The following SIK3 variants were observed in gnomAD, a reference collection of about 807,000 sequenced individuals.
SIK3 encodes the protein serine/threonine-protein kinase SIK3.
A neutral mutation model predicts 144.2 loss-of-function variants in SIK3; 28 were observed. That is an observed-to-expected ratio of 0.19 (90% CI 0.14 to 0.27). The LOEUF (loss-of-function observed/expected upper bound fraction) is 0.27, where lower values mean the gene tolerates loss of function less well. SIK3 is among the 10% of genes least tolerant of loss of function. The pLI, the probability that SIK3 is intolerant of heterozygous loss-of-function variation, is 1.00. For missense variants in SIK3, 1,319 were observed against 1,776.0 expected (o/e 0.74, Z 4.62); for synonymous variants, 686 against 676.3 (o/e 1.01, Z -0.22).
At chr11:117,086,770 G>A (rs1291629720) in intron 1 of SIK3, among the ~76,000 whole-genome samples, 2 of 151,824 alleles carry the variant, frequency 1.3e-5, no homozygotes, top group Non-Finnish European at 2.9e-5. Context: ...GTCGAGGCAG[G>A]TGGATCACAA....
intron 4 of SIK3, among the ~76,000 whole-genome samples, chr11:116,910,021 T>A (rs1261045790): frequency 6.6e-6 from 1 of 152,190 alleles, no homozygotes; most frequent in Non-Finnish European, 1.5e-5. Context: ...ATTTTAGTGA[T>A]AGGTATAATC....
intron 1 of SIK3, among the ~76,000 whole-genome samples, chr11:117,009,228 G>A (rs540645198): frequency 2.3e-4 from 28 of 119,732 alleles, no homozygotes; most frequent in African/African-American, 1.0e-3. Context: ...GTGAGACACT[G>A]TCTCAAAAAA....
At chr11:116,895,135 T>C (rs1266388615) in intron 6 of SIK3, among the ~76,000 whole-genome samples, 1 of 152,156 alleles carries the variant, frequency 6.6e-6, no homozygotes, top group Non-Finnish European at 1.5e-5. Context: ...CTCTTACCTC[T>C]CTGACCTCAT....
rs764788076 is a variant in SIK3, at chr11:116,896,247, C to T, written c.865+6G>A. 5.6e-6 allele frequency: 9 copies of T among 1,613,352 alleles called. No homozygotes were observed. The highest frequency in any genetic ancestry group is 1.7e-4 in the Middle Eastern group (1 of 6,056). ...ATTCATAGCTGTGTGCTAGCGACTC[C>T]CTTACCTGTGGACATAAAAAATGGG... On this transcript the variant is annotated splice_donor_region_variant and intron_variant, in intron 6 of 24. Coordinates refer to ENST00000445177, the MANE Select transcript of SIK3 (RefSeq NM_001366686.3).
chr11:116,852,505 AG>A (rs1423216752), intron 21 of SIK3, among the ~76,000 whole-genome samples: 1 of 152,222 alleles, frequency 6.6e-6, no homozygotes, highest in East Asian at 1.9e-4. Context: ...CTGCTTCCTG[AG>A]GAGCAGGAGC....
chr11:116,972,912 C>A (rs1247207247), intron 1 of SIK3, among the ~76,000 whole-genome samples: 1 of 152,084 alleles, frequency 6.6e-6, no homozygotes, highest in African/African-American at 2.4e-5. Context: ...GGCCATGTTA[C>A]GGAAGCCCTC....
At chr11:117,022,005 T>C (rs1170321125) in intron 1 of SIK3, among the ~76,000 whole-genome samples, 2 of 115,154 alleles carry the variant, frequency 1.7e-5, no homozygotes, top group Non-Finnish European at 3.8e-5. Context: ...AAATAATCCA[T>C]AAATTAGTTA....
At position 117,098,187 on chromosome 11, in the gene SIK3, A is replaced by G; in HGVS notation, c.229T>C (p.Phe77Leu). 2 of 1,519,950 alleles carry G rather than the reference A, an allele frequency of 1.3e-6. No individual in the cohort carries two copies. The highest frequency in any genetic ancestry group is 1.9e-5 in the Admixed American group (1 of 54,020). 94.2% of individuals were successfully genotyped at this position (1,519,950 alleles called of 1,614,324 possible). A position where few individuals can be genotyped will look rare whatever the true frequency, so the allele number is the denominator to read the frequency against. ...EIDRTIGKGN[F>L]AVVKRATHLV... Reference sequence around the variant, plus strand: ...TGCGTGGCCCGCTTGACCACCGCGAAGTTGCCCTTGCCGATGGTGCGGTCG... The same window carrying G: ...TGCGTGGCCCGCTTGACCACCGCGAGGTTGCCCTTGCCGATGGTGCGGTCG... Residue 77 changes from phenylalanine (F) to leucine (L), a missense_variant, in exon 1 of 25, where the codon TTC becomes CTC. This residue lies in a region of SIK3 where 114 missense variants were observed against 116.2 expected (regional missense o/e 0.98). Transcript: ENST00000445177.
Position 116,849,424 on chromosome 11 carries a change from T to A in SIK3, c.3656-141A>T. The A allele has an allele frequency of 1.9e-6, 2 of 1,067,190 alleles. No homozygotes were observed. Among genetic ancestry groups the A allele is most frequent in the Non-Finnish European group, 2.7e-6 (2 of 743,332 alleles). The allele number at this position is 1,067,190 out of a possible 1,614,324, so 66.1% of individuals were successfully genotyped here. On this transcript the variant is annotated intron_variant, in intron 21 of 24. Coordinates refer to ENST00000445177, the MANE Select transcript of SIK3 (RefSeq NM_001366686.3). The surrounding 1 kb of genome is among the most constrained non-coding windows in gnomAD (Gnocchi z 4.2). ...ACCAACCGCTGATCCTCAGCCGGCG[T>A]CATGGCTTAGAGGAGCCTGGACCAG...
At chr11:116,864,908 G>A (rs550377070) in intron 15 of SIK3, 1 of 152,374 alleles carries the variant, frequency 6.6e-6, no homozygotes, top group Admixed American at 6.5e-5. Context: ...TGACCGTGCA[G>A]AGGTATCCAG....
At chr11:117,010,665 G>C (rs1407142350) in intron 1 of SIK3, among the ~76,000 whole-genome samples, 1 of 151,636 alleles carries the variant, frequency 6.6e-6, no homozygotes, top group Non-Finnish European at 1.5e-5. Flanking sequence ...CTATTTCCTG[G>C]GGAGGAAGGT....
At chr11:117,022,190 T>C (rs1305339971) in intron 1 of SIK3, among the ~76,000 whole-genome samples, 1 of 152,082 alleles carries the variant, frequency 6.6e-6, no homozygotes, top group Non-Finnish European at 1.5e-5. Context: ...TAAATGTGTC[T>C]AGAGATTGAC....
intron 1 of SIK3, among the ~76,000 whole-genome samples, chr11:117,056,085 G>A (rs1027280338): frequency 6.6e-6 from 1 of 152,174 alleles, no homozygotes; most frequent in Non-Finnish European, 1.5e-5. Flanking sequence ...GGAGACAGAA[G>A]AGAACCAACA....
At chr11:116,934,515 ATAAAC>A (rs1947796782) in intron 3 of SIK3, among the ~76,000 whole-genome samples, 1 of 152,230 alleles carries the variant, frequency 6.6e-6, no homozygotes, top group Admixed American at 6.5e-5. Flanking sequence ...TCTCTTCCAA[ATAAAC>A]TAAACTTTTT....
intron 1 of SIK3, among the ~76,000 whole-genome samples, chr11:117,089,546 C>G (rs907989902): frequency 6.6e-6 from 1 of 151,952 alleles, no homozygotes. Context: ...TAATTTTGCA[C>G]GTTTATTGGA....
chr11:116,997,373 A>C (rs146056674), intron 1 of SIK3, among the ~76,000 whole-genome samples: 3 of 152,382 alleles, frequency 2.0e-5, no homozygotes, highest in Middle Eastern at 6.8e-3. Flanking sequence ...GACTTAGCTC[A>C]TATGTGTAGT....
chr11:116,989,531 G>C (rs1950430988), intron 1 of SIK3, among the ~76,000 whole-genome samples: 1 of 150,690 alleles, frequency 6.6e-6, no homozygotes, highest in Non-Finnish European at 1.5e-5. Flanking sequence ...GTACCAAAAA[G>C]ATACAGTATC....
intron 1 of SIK3, among the ~76,000 whole-genome samples, chr11:116,981,718 G>T (rs1415900484): frequency 6.6e-6 from 1 of 152,190 alleles, no homozygotes; most frequent in Non-Finnish European, 1.5e-5. Context: ...GGCCTGACTA[G>T]AAAGTGTGTT....
intron 4 of SIK3, among the ~76,000 whole-genome samples, chr11:116,910,676 A>T (rs1235075014): frequency 6.6e-6 from 1 of 152,228 alleles, no homozygotes; most frequent in Non-Finnish European, 1.5e-5. Flanking sequence ...ATTCCAGAAG[A>T]CATAAAGTAA....
Sources: gnomAD v4.1 joint callset for allele counts (sites outside exome capture counted in the v4.1 genomes callset) on GRCh38, gnomAD v4.1.1 for gene constraint, gnomAD v4.1.1 regional missense constraint, Gnocchi (gnomAD v3.1) non-coding constraint, MANE v1.5 for transcripts, NCBI Gene and HGNC (gene_info 2026-07-23, HGNC 2026-07-21) for gene names.